The following PEX5L variants were observed in gnomAD, a reference collection of about 807,000 sequenced individuals.
PEX5L encodes the protein PEX5-related protein.
A neutral mutation model predicts 84.0 loss-of-function variants in PEX5L; 30 were observed. That is an observed-to-expected ratio of 0.36 (90% confidence interval 0.27 to 0.48). The LOEUF is 0.48. PEX5L is among the 20% of genes least tolerant of loss of function. PEX5L has a pLI of 0.99. For missense variants in PEX5L, 533 were observed against 754.6 expected (o/e 0.71, Z 3.44); for synonymous variants, 270 against 283.1 (o/e 0.95, Z 0.46).
chr3:179,979,336 T>C (rs1273456137), intron 1 of PEX5L, among the ~76,000 whole-genome samples: 3 of 152,186 alleles, frequency 2.0e-5, no homozygotes, highest in Non-Finnish European at 4.4e-5. Flanking sequence ...TCCTTCCCTA[T>C]AGACTTGTCT....
intron 2 of PEX5L, among the ~76,000 whole-genome samples, chr3:179,899,177 T>C (rs755734656): frequency 4.1e-4 from 62 of 152,112 alleles, no homozygotes; most frequent in Admixed American, 9.2e-4. Context: ...TGAGACTAGA[T>C]ATGGTATAAT....
rs1791762756 is a variant in PEX5L at position 180,034,899 on chromosome 3, A to G, written c.21+1680T>C. 2.0e-5 allele frequency among the ~76,000 whole-genome samples: 3 copies of G among 152,174 alleles called. No individual in the cohort carries two copies. In the South Asian group the frequency reaches 6.2e-4, roughly 31 times the overall value. On this transcript the variant is annotated intron_variant, in intron 1 of 14. Coordinates refer to ENST00000467460, the MANE Select transcript of PEX5L (RefSeq NM_016559.3). The stretch of plus-strand genomic sequence containing the variant: ...TCAAAGTGAAATTAAACCCTCAGAC[A>G]TTGTTCCAGGCAACTCAAGTTTCAA...
chr3:179,874,617 G>T (rs1394955985), intron 6 of PEX5L, among the ~76,000 whole-genome samples, 194 bp from the exon 7 acceptor site: 1 of 151,332 alleles, frequency 6.6e-6, no homozygotes, highest in African/African-American at 2.4e-5. Context: ...GCTACAGTGT[G>T]CTAGGTGTTA....
At chr3:179,867,025 C>CAAAAAAAAAAAAAAAAA (rs61404630) in intron 7 of PEX5L, among the ~76,000 whole-genome samples, 1 of 89,412 alleles carries the variant, frequency 1.1e-5, no homozygotes, top group Admixed American at 1.2e-4. Context: ...GACTCTGTCT[C>CAAAAAAAAAAAAAAAAA]AAAAAAAAAA....
Position 179,810,002 on chromosome 3 carries a change from CTTTTTTTTTTTTTTTTT to C in PEX5L, c.1155-351_1155-335del, listed in dbSNP as rs35662193. Among the ~76,000 whole-genome samples the C allele has an allele frequency of 2.9e-4, 13 of 45,304 alleles. 3 individuals carry two copies. Among genetic ancestry groups the C allele is most frequent in the Admixed American group, 3.8e-4 (1 of 2,620 alleles). 29.7% of individuals were successfully genotyped at this position (45,304 alleles called of 152,430 possible). A position where few individuals can be genotyped will look rare whatever the true frequency, so the allele number is the denominator to read the frequency against. On this transcript the variant is annotated intron_variant, in intron 11 of 14. Transcript: ENST00000467460. ...AGGGGATATCATTATTTTAATGCTGCTTTTTTTTTTTTTTTTTTTTTTTTTTTTTTAGACAGAGTCTC... is the reference window on the plus strand; with the variant it reads ...AGGGGATATCATTATTTTAATGCTGCTTTTTTTTTTTTTAGACAGAGTCTC...
intron 1 of PEX5L, among the ~76,000 whole-genome samples, chr3:180,010,145 CCAT>C (rs1789302580): frequency 6.6e-6 from 1 of 151,758 alleles, no homozygotes; most frequent in Non-Finnish European, 1.5e-5. Flanking sequence ...CGGGGTTTCA[CCAT>C]GTTAGCCAGG....
intron 2 of PEX5L, among the ~76,000 whole-genome samples, chr3:179,899,243 T>C (rs1439138479): frequency 6.6e-6 from 1 of 152,140 alleles, no homozygotes; most frequent in Non-Finnish European, 1.5e-5. Flanking sequence ...TTTCATACTA[T>C]GTAAAAATTA....
chr3:179,957,913 C>T (rs1379500536), intron 2 of PEX5L, among the ~76,000 whole-genome samples: 1 of 152,096 alleles, frequency 6.6e-6, no homozygotes, highest in African/African-American at 2.4e-5. Flanking sequence ...AGAATGGGCA[C>T]GTATTTAAGG....
At chr3:179,984,087 A>G (rs1245030488) in intron 1 of PEX5L, among the ~76,000 whole-genome samples, 1 of 152,130 alleles carries the variant, frequency 6.6e-6, no homozygotes, top group Admixed American at 6.5e-5. Context: ...TCACAGTGCT[A>G]CTAAACCTCA....
In PEX5L at chr3:179,887,777, T is replaced by C; in HGVS notation, c.206A>G (p.Asn69Ser). Residue 69 changes from asparagine to serine, a missense_variant, in exon 4 of 15, where the codon AAT becomes AGT. Around this residue, in one of 8 missense-constraint regions of PEX5L, gnomAD observed 259 missense variants for 301.7 expected, o/e 0.86. Transcript: ENST00000467460. ...GAGGGGTCTGCTTTCTTGTTGCTCA[T>C]TCACCAGCTGAGAACAAATGAACAG... ...PLLTMTSQLVNEQQESRPLLS... is the reference protein window; with the variant it reads ...PLLTMTSQLVSEQQESRPLLS... 6.2e-7 allele frequency: 1 copy of C among 1,611,352 alleles called. No homozygotes were observed. The highest frequency in any genetic ancestry group is 8.5e-7 in the Non-Finnish European group (1 of 1,177,498).
At chr3:179,849,413 A>C (rs1368674237) in intron 8 of PEX5L, among the ~76,000 whole-genome samples, 1 of 152,246 alleles carries the variant, frequency 6.6e-6, no homozygotes, top group African/African-American at 2.4e-5. Flanking sequence ...TAGCACATGA[A>C]ATCCAATTTA....
intron 2 of PEX5L, among the ~76,000 whole-genome samples, chr3:179,915,026 T>A (rs1210048766): frequency 6.6e-6 from 1 of 152,220 alleles, no homozygotes; most frequent in East Asian, 1.9e-4. Context: ...GCAGCCTTTT[T>A]GCTTGTGATT....
chr3:179,915,457 T>A (rs1382403148), intron 2 of PEX5L, among the ~76,000 whole-genome samples: 33 of 152,218 alleles, frequency 2.2e-4, no homozygotes, highest in Admixed American at 2.2e-3. Flanking sequence ...ACATTCGTAT[T>A]CAGTGATATT....
chr3:179,847,184 T>C (rs2108398704), intron 8 of PEX5L, among the ~76,000 whole-genome samples: 1 of 151,614 alleles, frequency 6.6e-6, no homozygotes, highest in East Asian at 1.9e-4. Context: ...AGTGTGATAT[T>C]GGATGGGGTG....
intron 7 of PEX5L, among the ~76,000 whole-genome samples, chr3:179,873,257 T>C (rs1362432227): frequency 1.3e-5 from 2 of 152,208 alleles, no homozygotes; most frequent in Non-Finnish European, 2.9e-5. Context: ...AGCTAATATG[T>C]AAGAAGTCCT....
At chr3:179,944,873 C>T (rs1315919904) in intron 2 of PEX5L, among the ~76,000 whole-genome samples, 1 of 152,158 alleles carries the variant, frequency 6.6e-6, no homozygotes, top group African/African-American at 2.4e-5. Context: ...TGCAAGATTA[C>T]AAAACTAGTA....
chr3:179,816,861 A>C (rs1290092049), intron 9 of PEX5L, among the ~76,000 whole-genome samples: 1 of 152,154 alleles, frequency 6.6e-6, no homozygotes, highest in African/African-American at 2.4e-5. Flanking sequence ...AATACTAAAT[A>C]ATATAAAAAG....
chr3:179,945,685 C>T (rs1460109561), intron 2 of PEX5L, among the ~76,000 whole-genome samples: 1 of 152,196 alleles, frequency 6.6e-6, no homozygotes, highest in African/African-American at 2.4e-5. Context: ...TGGGAAGACA[C>T]CTTTCCTTGG....
rs369996110 is a variant in PEX5L at position 180,032,449 on chromosome 3, G to A, written c.21+4130C>T. The stretch of plus-strand genomic sequence containing the variant: ...AACTCTAAACTAATCTCAAAGACTC[G>A]CCTCTGAAAATGTGTGTATGTGTGT... On this transcript the variant is annotated intron_variant, in intron 1 of 14. Transcript: ENST00000467460. Among the ~76,000 whole-genome samples the A allele has an allele frequency of 1.9e-4, 29 of 152,214 alleles. No individual in the cohort carries two copies. In the East Asian group the frequency reaches 2.7e-3, roughly 14 times the overall value.
Sources: allele counts gnomAD v4.1 joint callset (sites outside exome capture counted in the v4.1 genomes callset), GRCh38; gene constraint gnomAD v4.1.1; regional missense constraint gnomAD v4.1.1; transcripts MANE v1.5; gene names NCBI Gene and HGNC (gene_info 2026-07-23, HGNC 2026-07-21).